IARS1: variants seen among roughly 807,000 people sequenced by gnomAD.
The protein encoded by IARS1 is isoleucine--tRNA ligase, cytoplasmic.
A neutral mutation model predicts 168.2 loss-of-function variants in IARS1; 124 were observed. The ratio of observed to expected loss-of-function variants is 0.74; its 90% CI spans 0.64 to 0.86. IARS1 has a LOEUF of 0.86. Among genes scored for constraint, IARS1 ranks in the 40% least tolerant of loss-of-function variants. IARS1 has a pLI of 0.00. For missense variants in IARS1, 1,452 were observed against 1,515.8 expected (o/e 0.96, Z 0.70); for synonymous variants, 532 against 529.4 (o/e 1.00, Z -0.07).
chr9:92,287,620 G>A lies in IARS1; in HGVS notation c.396+171C>T, dbSNP rs183412490. On this transcript the variant is annotated intron_variant, in intron 4 of 33. Coordinates refer to ENST00000443024, the MANE Select transcript of IARS1 (RefSeq NM_002161.6). Reference sequence around the variant, plus strand: ...AATTAAGCACACAGAAGTCAGAAGAGAGATGGTTCAGTTTAAGCTAACCGT... The same window carrying A: ...AATTAAGCACACAGAAGTCAGAAGAAAGATGGTTCAGTTTAAGCTAACCGT... The A allele has an allele frequency of 6.7e-6, 4 of 598,178 alleles. No homozygotes were observed. In the Admixed American group the frequency reaches 1.1e-4, roughly 17 times the overall value. The allele number at this position is 598,178 out of a possible 1,614,324, so 37.1% of individuals were successfully genotyped here.
chr9:92,268,313 GATCACATAACCA>G lies in IARS1; in HGVS notation c.1305-25_1305-14del. On this transcript the variant is annotated splice_polypyrimidine_tract_variant and intron_variant, in intron 13 of 33. Transcript: ENST00000443024. Reference sequence around the variant, plus strand: ...CAACTCTGGGACCCTGCAATAAACAGATCACATAACCAATCACATAAAAATATGGAAAAATTC... The same window carrying G: ...CAACTCTGGGACCCTGCAATAAACAGATCACATAAAAATATGGAAAAATTC... 1 of 1,605,352 alleles carries G rather than the reference GATCACATAACCA, an allele frequency of 6.2e-7. No individual in the cohort carries two copies. The highest frequency in any genetic ancestry group is 1.1e-5 in the South Asian group (1 of 88,816).
At chr9:92,276,206 CT>C (rs1276786971) in intron 9 of IARS1, among the ~76,000 whole-genome samples, 1 of 152,172 alleles carries the variant, frequency 6.6e-6, no homozygotes, top group Non-Finnish European at 1.5e-5. Context: ...CAGAGGACAT[CT>C]GAGTTCAGAC....
At chr9:92,274,660 G>A (rs1313453496) in intron 9 of IARS1, 139 bp from the exon 10 acceptor site, 7 of 574,742 alleles carry the variant, frequency 1.2e-5, no homozygotes, top group Non-Finnish European at 2.2e-5. Flanking sequence ...AAAGAATAAT[G>A]CAGGCTGGGA....
At chr9:92,291,337 C>T (rs905711968) in intron 1 of IARS1, among the ~76,000 whole-genome samples, 3 of 152,158 alleles carry the variant, frequency 2.0e-5, no homozygotes, top group Non-Finnish European at 4.4e-5. Context: ...AAGACACCTA[C>T]ATACCTCAAA....
At chr9:92,291,367 A>T (rs1389266859) in intron 1 of IARS1, among the ~76,000 whole-genome samples, 1 of 152,232 alleles carries the variant, frequency 6.6e-6, no homozygotes, top group African/African-American at 2.4e-5. Flanking sequence ...AAGCATCAAA[A>T]GCATCATAGT....
At chr9:92,251,948 T>C (rs1830061176) in intron 21 of IARS1, 63 bp from the exon 22 acceptor site, 1 of 1,193,252 alleles carries the variant, frequency 8.4e-7, no homozygotes, top group South Asian at 1.3e-5. Flanking sequence ...ATTAAAAAAA[T>C]AAGTTTATTA....
At chr9:92,278,660 G>A (rs557297558) in intron 7 of IARS1, among the ~76,000 whole-genome samples, 1 of 152,260 alleles carries the variant, frequency 6.6e-6, no homozygotes, top group African/African-American at 2.4e-5. Flanking sequence ...GGGTGTCTAT[G>A]GATCCGGATA....
intron 33 of IARS1, among the ~76,000 whole-genome samples, chr9:92,222,209 C>T (rs1288210455): frequency 4.0e-5 from 6 of 151,434 alleles, no homozygotes; most frequent in Admixed American, 2.6e-4. Flanking sequence ...CCCAGCTACT[C>T]GGAAGTCTGA....
At chr9:92,235,846 AATCAGCCTTGC>A (rs1564163601) in intron 30 of IARS1, among the ~76,000 whole-genome samples, 1 of 151,844 alleles carries the variant, frequency 6.6e-6, no homozygotes, top group East Asian at 1.9e-4. Flanking sequence ...TTAAATATTG[AATCAGCCTTGC>A]ATCCCTGGAA....
At chr9:92,284,303 T>G (rs1835097343) in intron 6 of IARS1, among the ~76,000 whole-genome samples, 1 of 152,216 alleles carries the variant, frequency 6.6e-6, no homozygotes, top group South Asian at 2.1e-4. Context: ...GATTATTTCT[T>G]GATGAAATAA....
chr9:92,233,104 T>C (rs918517651), intron 30 of IARS1, among the ~76,000 whole-genome samples: 3 of 152,238 alleles, frequency 2.0e-5, no homozygotes, highest in South Asian at 2.1e-4. Context: ...GTTAGACTTA[T>C]TTGACTACGT....
At chr9:92,212,120 C>A (rs1017748229) in intron 33 of IARS1, among the ~76,000 whole-genome samples, 1 of 152,134 alleles carries the variant, frequency 6.6e-6, no homozygotes, top group Non-Finnish European at 1.5e-5. Context: ...TGAGAATACT[C>A]TCAAAGCTAC....
chr9:92,292,140 G>A (rs374745284), intron 1 of IARS1, among the ~76,000 whole-genome samples: 67 of 146,284 alleles, frequency 4.6e-4, no homozygotes, highest in African/African-American at 1.7e-3. Flanking sequence ...AGTTTAGCCC[G>A]CCAAGTAGCT....
chr9:92,225,070 T>C (rs1825446616), intron 31 of IARS1, among the ~76,000 whole-genome samples: 2 of 152,158 alleles, frequency 1.3e-5, no homozygotes, highest in Admixed American at 1.3e-4. Context: ...TTCGATACAG[T>C]GTTATTGCCA....
At chr9:92,255,158 G>A (rs1830546572) in intron 20 of IARS1, among the ~76,000 whole-genome samples, 1 of 152,228 alleles carries the variant, frequency 6.6e-6, no homozygotes, top group Admixed American at 6.5e-5. Context: ...CTGAGCAACA[G>A]CTGGACTGTC....
At chr9:92,266,120 A>C (rs1329639268) in intron 14 of IARS1, among the ~76,000 whole-genome samples, 18 of 152,222 alleles carry the variant, frequency 1.2e-4, no homozygotes, top group South Asian at 8.3e-4. Context: ...GGGAGTCCCT[A>C]CCTAGAGAGA....
intron 27 of IARS1, 68 bp downstream of exon 27, chr9:92,244,891 G>C (rs945041002): frequency 1.6e-6 from 2 of 1,272,818 alleles, no homozygotes; most frequent in Non-Finnish European, 2.3e-6. Context: ...GAAAGGCACA[G>C]GCAAATACTT....
rs1837653580 is a variant in IARS1 at position 92,210,976 on chromosome 9, T to C, written c.3707-87A>G. ...AAAAAAATGTTAACTGCTTGTGTAG[T>C]AAGGAATTTGGCCTTATCCTAAGAG... On this transcript the variant is annotated intron_variant, in intron 33 of 33. Coordinates refer to ENST00000443024, the MANE Select transcript of IARS1 (RefSeq NM_002161.6). 6 of 856,484 alleles carry C rather than the reference T, an allele frequency of 7.0e-6. No homozygotes were observed. In the Admixed American group the frequency reaches 7.3e-5, roughly 10 times the overall value. The allele number at this position is 856,484 out of a possible 1,614,324, so 53.1% of individuals were successfully genotyped here.
intron 28 of IARS1, 42 bp from the exon 29 acceptor site, chr9:92,242,372 T>C: frequency 6.6e-7 from 1 of 1,510,304 alleles, no homozygotes; most frequent in Non-Finnish European, 9.1e-7. Flanking sequence ...AAGTACATTC[T>C]ATTAATCAGA....
Sources: allele counts gnomAD v4.1 joint callset (sites outside exome capture counted in the v4.1 genomes callset), GRCh38; gene constraint gnomAD v4.1.1; transcripts MANE v1.5; gene names NCBI Gene and HGNC (gene_info 2026-07-23, HGNC 2026-07-21).